Variants in VPS13C observed in about 807,000 individuals in gnomAD.
The protein encoded by VPS13C is intermembrane lipid transfer protein VPS13C.
A neutral mutation model predicts 456.8 loss-of-function variants in VPS13C; 358 were observed. That is an observed-to-expected ratio of 0.78 (90% CI 0.72 to 0.86). VPS13C has a LOEUF of 0.86. Among genes scored for constraint, VPS13C ranks in the 40% least tolerant of loss-of-function variants. The probability of loss-of-function intolerance (pLI) is 0.00; values close to 1 mark genes in which losing one functional copy is unlikely to be tolerated. For missense variants in VPS13C, 4,818 were observed against 4,385.4 expected (o/e 1.10, Z -2.79); for synonymous variants, 1,578 against 1,486.7 (o/e 1.06, Z -1.41).
chr15:61,964,734 G>T lies in VPS13C; in HGVS notation c.3179C>A (p.Thr1060Asn), dbSNP rs190233207. 6.2e-7 allele frequency: 1 copy of T among 1,607,124 alleles called. No homozygotes were observed. The highest frequency in any genetic ancestry group is 8.5e-7 in the Non-Finnish European group (1 of 1,177,444). ...AGTTGAATTTTTTTGTTGTTTTTCA[G>T]TTGAAATTTGTACCTCCTTAGCAAC... Reference protein sequence around the residue: ...ISVAKEVQISTEKQQKNSTLP... With the variant: ...ISVAKEVQISNEKQQKNSTLP... The change falls in exon 31 of 85, where the codon ACT becomes AAT. Residue 1060 changes from threonine to asparagine, a missense_variant. By Grantham distance (65) the Thr-to-Asn change is moderately conservative. Around this residue, in one of 3 missense-constraint regions of VPS13C, gnomAD observed 4,552 missense variants for 4,130.6 expected, o/e 1.10. Transcript: ENST00000644861.
chr15:61,896,934 G>A (rs938592493), intron 66 of VPS13C, among the ~76,000 whole-genome samples: 7 of 152,216 alleles, frequency 4.6e-5, no homozygotes, highest in Admixed American at 1.3e-4. Flanking sequence ...CCTCAAGTGG[G>A]TGCCTGACCC....
intron 11 of VPS13C, among the ~76,000 whole-genome samples, chr15:62,012,556 T>C (rs2047083224): frequency 1.3e-5 from 2 of 151,992 alleles, no homozygotes; most frequent in African/African-American, 4.8e-5. Context: ...AATTGAATTG[T>C]TCTTTCTTTA....
rs1284974588 is a variant in VPS13C, at chr15:61,861,610, C to G, written c.10952+1830G>C. On this transcript the variant is annotated intron_variant, in intron 82 of 84. Coordinates refer to ENST00000644861, the MANE Select transcript of VPS13C (RefSeq NM_020821.3). Reference sequence around the variant, plus strand: ...GTCCAGGCTACTTAACAGGCTGAGGCTGGAGGATCACTTGAGTCCAGGAGT... The same window carrying G: ...GTCCAGGCTACTTAACAGGCTGAGGGTGGAGGATCACTTGAGTCCAGGAGT... Among the ~76,000 whole-genome samples the G allele has an allele frequency of 2.6e-5, 4 of 152,254 alleles. No homozygotes were observed. In the East Asian group the frequency reaches 5.8e-4, roughly 22 times the overall value.
intron 66 of VPS13C, among the ~76,000 whole-genome samples, chr15:61,899,915 T>C (rs1428201422): frequency 6.6e-6 from 1 of 152,032 alleles, no homozygotes; most frequent in Admixed American, 6.6e-5. Context: ...TTATCCACCA[T>C]GATCAAGTGG....
At position 61,858,978 on chromosome 15, in the gene VPS13C, A is replaced by G. The variant is rs1270134845; in HGVS notation, c.10953-2569T>C. Among the ~76,000 whole-genome samples the G allele has an allele frequency of 6.6e-6, 1 of 152,216 alleles. No individual in the cohort carries two copies. Among genetic ancestry groups the G allele is most frequent in the East Asian group, 1.9e-4 (1 of 5,192 alleles). ...ATCTTTTAAAACTACAAGCCTCATCATATTACTTGTTTACAAACCTTCTGT... is the reference window on the plus strand; with the variant it reads ...ATCTTTTAAAACTACAAGCCTCATCGTATTACTTGTTTACAAACCTTCTGT... On this transcript the variant is annotated intron_variant, in intron 82 of 84. Transcript: ENST00000644861. This position sits in a 1 kb window ranked among gnomAD's most constrained non-coding sequence, Gnocchi z 4.4.
Position 61,936,607 on chromosome 15 carries a change from G to T in VPS13C, c.5745C>A (p.Asp1915Glu). ...ATCATCAATTTATACCTTTGAGATG[G>T]TCAGGTACACTTGAAACATCAACTT... ...VRKVDVSSVPDHLKEQEDWTD... is the reference protein window; with the variant it reads ...VRKVDVSSVPEHLKEQEDWTD... Residue 1915 changes from aspartate to glutamate, a missense_variant, in exon 48 of 85, where the codon GAC (aspartate) becomes GAA (glutamate). Asp to Glu is a conservative substitution (Grantham distance 45). Around this residue, in one of 3 missense-constraint regions of VPS13C, gnomAD observed 4,552 missense variants for 4,130.6 expected, o/e 1.10. Transcript: ENST00000644861. 1 of 1,572,238 alleles carries T rather than the reference G, an allele frequency of 6.4e-7. No individual in the cohort carries two copies. The highest frequency in any genetic ancestry group is 1.4e-5 in the African/African-American group (1 of 72,852).
intron 1 of VPS13C, among the ~76,000 whole-genome samples, chr15:62,054,904 C>A (rs2048737981): frequency 6.6e-6 from 1 of 152,090 alleles, no homozygotes; most frequent in South Asian, 2.1e-4. Context: ...AGGTTTTTGA[C>A]ATAATCTATC....
At chr15:61,949,705 G>T in intron 41 of VPS13C, 100 bp from the exon 42 acceptor site, 2 of 1,160,678 alleles carry the variant, frequency 1.7e-6, no homozygotes, top group Non-Finnish European at 2.3e-6. Flanking sequence ...TTCAATTAAG[G>T]GCCTTTTTAA....
intron 42 of VPS13C, among the ~76,000 whole-genome samples, chr15:61,949,010 C>T (rs1293353868): frequency 6.6e-6 from 1 of 152,104 alleles, no homozygotes; most frequent in East Asian, 1.9e-4. Flanking sequence ...TGTGTCTATT[C>T]CATGAGCTCC....
At chr15:61,980,788 T>C (rs1198609632) in intron 22 of VPS13C, among the ~76,000 whole-genome samples, 1 of 152,222 alleles carries the variant, frequency 6.6e-6, no homozygotes, top group Non-Finnish European at 1.5e-5. Flanking sequence ...GTCTTGGACT[T>C]GATGGATCTT....
Position 62,013,965 on chromosome 15 carries a change from T to C in VPS13C, c.712A>G (p.Ile238Val), listed in dbSNP as rs775556494. Residue 238 changes from isoleucine (I) to valine (V), a missense_variant, in exon 10 of 85, where the codon ATA becomes GTA. Coordinates refer to ENST00000644861, the MANE Select transcript of VPS13C (RefSeq NM_020821.3). ...ATAATTTTGTCTGCTTCATTTAATATGCATGGAGTCCAGTGTTCATTTGCA... is the reference window on the plus strand; with the variant it reads ...ATAATTTTGTCTGCTTCATTTAATACGCATGGAGTCCAGTGTTCATTTGCA... Reference protein sequence around the residue: ...LTANEHWTPCILNEADKIIYK... With the variant: ...LTANEHWTPCVLNEADKIIYK... The C allele has an allele frequency of 1.9e-6, 3 of 1,610,734 alleles. No individual in the cohort carries two copies. Among genetic ancestry groups the C allele is most frequent in the East Asian group, 2.2e-5 (1 of 44,766 alleles).
chr15:61,873,148 G>A, intron 78 of VPS13C, 98 bp downstream of exon 78: 1 of 1,537,786 alleles, frequency 6.5e-7, no homozygotes, highest in Non-Finnish European at 8.8e-7. Flanking sequence ...ATTCCTACAG[G>A]CCTAGACTCA....
At chr15:61,993,497 C>T (rs1272016279) in intron 16 of VPS13C, among the ~76,000 whole-genome samples, 4 of 152,054 alleles carry the variant, frequency 2.6e-5, no homozygotes, top group Admixed American at 1.3e-4. Flanking sequence ...AAGTCTCTAC[C>T]TAAATATCTG....
At chr15:61,922,138 C>G (rs377380367) in intron 54 of VPS13C, 105 bp from the exon 55 acceptor site, 138 of 1,252,406 alleles carry the variant, frequency 1.1e-4, no homozygotes, top group Non-Finnish European at 1.5e-4. Flanking sequence ...ATATCATTAG[C>G]CATTTTCAAA....
chr15:62,020,724 A>G (rs1397129242), intron 8 of VPS13C, among the ~76,000 whole-genome samples, 186 bp from the exon 9 acceptor site: 1 of 151,986 alleles, frequency 6.6e-6, no homozygotes, highest in Non-Finnish European at 1.5e-5. Flanking sequence ...TAGACATAAC[A>G]TTTCTATGCT....
chr15:61,939,355 C>G (rs530130068), intron 47 of VPS13C, among the ~76,000 whole-genome samples: 31 of 152,312 alleles, frequency 2.0e-4, no homozygotes, highest in African/African-American at 7.5e-4. Flanking sequence ...AATAATTGTT[C>G]TTCATGTAAT....
chr15:62,033,148 A>T (rs994733387), intron 5 of VPS13C, among the ~76,000 whole-genome samples: 3 of 151,712 alleles, frequency 2.0e-5, no homozygotes, highest in Non-Finnish European at 3.0e-5. Context: ...CAAAATAAAC[A>T]GGCCTGCAAA....
chr15:61,890,792 A>C (rs772717381), intron 66 of VPS13C, among the ~76,000 whole-genome samples: 4 of 152,184 alleles, frequency 2.6e-5, no homozygotes, highest in Non-Finnish European at 5.9e-5. Flanking sequence ...CACGCCTATA[A>C]TCCCAGCACT....
At chr15:61,857,246 T>C (rs1893967518) in intron 82 of VPS13C, among the ~76,000 whole-genome samples, 1 of 152,136 alleles carries the variant, frequency 6.6e-6, no homozygotes, top group South Asian at 2.1e-4. Flanking sequence ...AAATAAACGC[T>C]ACAGCACAAT....
Sources: allele counts gnomAD v4.1 joint callset (sites outside exome capture counted in the v4.1 genomes callset), GRCh38; gene constraint gnomAD v4.1.1; regional missense constraint gnomAD v4.1.1; non-coding constraint Gnocchi (gnomAD v3.1); transcripts MANE v1.5; gene names NCBI Gene and HGNC (gene_info 2026-07-23, HGNC 2026-07-21).